Variants in SVIL observed in about 807,000 individuals in gnomAD.
SVIL encodes archvillin.
A neutral mutation model predicts 240.4 loss-of-function variants in SVIL; 101 were observed. The ratio of observed to expected loss-of-function variants is 0.42; its 90% CI spans 0.36 to 0.50. The LOEUF (loss-of-function observed/expected upper bound fraction) is 0.50, where lower values mean the gene tolerates loss of function less well. SVIL is among the 20% of genes least tolerant of loss of function. The probability of loss-of-function intolerance (pLI) is 0.01; values close to 1 mark genes in which losing one functional copy is unlikely to be tolerated. For synonymous variants in SVIL, 999 were observed against 1,100.0 expected (o/e 0.91, Z 1.82); for missense variants, 2,512 against 2,818.7 (o/e 0.89, Z 2.46).
At chr10:29,580,261 G>T (rs73596059) in intron 1 of SVIL, among the ~76,000 whole-genome samples, 9,419 of 152,120 alleles carry the variant, frequency 0.062, 850 homozygotes, top group African/African-American at 0.2. Flanking sequence ...AGTGGGAGGA[G>T]CGTTTGAACC....
At chr10:29,543,691 C>G (rs1012725239) in intron 6 of SVIL, among the ~76,000 whole-genome samples, 1 of 152,126 alleles carries the variant, frequency 6.6e-6, no homozygotes, top group African/African-American at 2.4e-5. Context: ...TCCATCTCTC[C>G]CCTCTCCCCT....
intron 3 of SVIL, among the ~76,000 whole-genome samples, chr10:29,640,378 G>A (rs983969864): frequency 6.6e-6 from 1 of 152,218 alleles, no homozygotes; most frequent in Admixed American, 6.5e-5. Flanking sequence ...CTCCTCAGTT[G>A]TTTCACTGAG....
At chr10:29,709,315 T>G (rs1963119099) in intron 1 of SVIL, among the ~76,000 whole-genome samples, 1 of 152,188 alleles carries the variant, frequency 6.6e-6, no homozygotes, top group Admixed American at 6.5e-5. Flanking sequence ...CGTGTCATGT[T>G]GGCACTCAAA....
At chr10:29,604,807 G>A (rs912936166) in intron 1 of SVIL, among the ~76,000 whole-genome samples, 6 of 151,970 alleles carry the variant, frequency 3.9e-5, no homozygotes, top group Admixed American at 1.3e-4. Flanking sequence ...GAGATTAAAC[G>A]ATCCTCCCAC....
Position 29,531,762 on chromosome 10 carries a change from C to G in SVIL, c.2009+240G>C, listed in dbSNP as rs376982074. Among the ~76,000 whole-genome samples, 6 of 152,296 alleles carry G rather than the reference C, an allele frequency of 3.9e-5. No homozygotes were observed. In the East Asian group the frequency reaches 7.7e-4, roughly 20 times the overall value. ...CATTAAATAAAGAAAAATAATGTTT[C>G]TTACTTCTTATCATCTGAATGCAAT... On this transcript the variant is annotated intron_variant, in intron 9 of 37. Transcript: ENST00000355867.
chr10:29,677,580 T>C (rs1415318391), intron 2 of SVIL, among the ~76,000 whole-genome samples: 1 of 152,142 alleles, frequency 6.6e-6, no homozygotes, highest in Non-Finnish European at 1.5e-5. Context: ...TGCAGCACTA[T>C]GCTCAGCTAA....
At position 29,465,698 on chromosome 10, in the gene SVIL, A is replaced by G. The variant is rs773978944; in HGVS notation, c.6030T>C (p.Ser2010=). The change falls in exon 34 of 38, where the codon TCT becomes TCC. Residue 2010 remains serine, a synonymous_variant. Coordinates refer to ENST00000355867, the MANE Select transcript of SVIL (RefSeq NM_021738.3). ...APRLFILSSS[S]GDFAATEFVY... ...CAAACTCTGTGGCTGCAAAATCCCCAGAGGAGCTGCTGAGGATGAACAGGC... is the reference window on the plus strand; with the variant it reads ...CAAACTCTGTGGCTGCAAAATCCCCGGAGGAGCTGCTGAGGATGAACAGGC... 4 of 1,613,314 alleles carry G rather than the reference A, an allele frequency of 2.5e-6. No homozygotes were observed. Among genetic ancestry groups the G allele is most frequent in the Non-Finnish European group, 3.4e-6 (4 of 1,179,968 alleles).
At chr10:29,663,385 C>CT (rs931353431) in intron 2 of SVIL, among the ~76,000 whole-genome samples, 30 of 152,058 alleles carry the variant, frequency 2.0e-4, no homozygotes, top group African/African-American at 2.9e-4. Context: ...ACTTATATTT[C>CT]TTTTTTTTGT....
At chr10:29,641,965 G>C (rs550396736) in intron 3 of SVIL, among the ~76,000 whole-genome samples, 2 of 152,294 alleles carry the variant, frequency 1.3e-5, no homozygotes, top group South Asian at 4.1e-4. Flanking sequence ...ACTTCTCTGA[G>C]CTGGAACCTC....
chr10:29,733,175 G>A (rs1964715240), intron 1 of SVIL, among the ~76,000 whole-genome samples: 1 of 152,204 alleles, frequency 6.6e-6, no homozygotes, highest in Non-Finnish European at 1.5e-5. Flanking sequence ...GGGAGGAAGG[G>A]AAGGATTCTG....
chr10:29,457,924 CAA>C lies in SVIL; in HGVS notation c.*321_*322del, dbSNP rs34048226. The C allele has an allele frequency of 0.48, 66,265 of 138,274 alleles. 14,641 individuals are homozygous for C. The highest frequency in any genetic ancestry group is 0.62 in the African/African-American group (23,462 of 37,652). 8.6% of individuals were successfully genotyped at this position (138,274 alleles called of 1,614,324 possible). On this transcript the variant is annotated 3_prime_UTR_variant, in exon 38 of 38. Coordinates refer to ENST00000355867, the MANE Select transcript of SVIL (RefSeq NM_021738.3). ...TAACACTTTATAAAGAGAACTGCTT[CAA>C]AAAAAAAAAAAAAAGGCATTGCCTA...
chr10:29,726,288 G>C (rs891039528), intron 1 of SVIL, among the ~76,000 whole-genome samples: 1 of 152,152 alleles, frequency 6.6e-6, no homozygotes, highest in Admixed American at 6.5e-5. Flanking sequence ...TGCAGAGATA[G>C]GGATGGTTAG....
Position 29,462,373 on chromosome 10 carries a change from C to G in SVIL, c.6306G>C (p.Lys2102Asn). ...KGKNLKKPAP[K>N]SYLIHAGLEP... The stretch of plus-strand genomic sequence containing the variant: ...CCAGACCAGCGTGGATAAGGTAAGA[C>G]TTGGGGGCTGGTTTCTTGAGATTTT... The change falls in exon 36 of 38, where the codon AAG becomes AAC. Residue 2102 changes from lysine to asparagine, a missense_variant. By Grantham distance (94) the Lys-to-Asn change is moderately conservative. Coordinates refer to ENST00000355867, the MANE Select transcript of SVIL (RefSeq NM_021738.3). 6.2e-7 allele frequency: 1 copy of G among 1,614,130 alleles called. No homozygotes were observed. Among genetic ancestry groups the G allele is most frequent in the South Asian group, 1.1e-5 (1 of 91,078 alleles).
chr10:29,602,487 C>A, intron 1 of SVIL: 1 of 240,614 alleles, frequency 4.2e-6, no homozygotes, highest in South Asian at 4.5e-5. Flanking sequence ...GTGTTCACTG[C>A]CAGAATGATT....
chr10:29,530,286 C>T (rs569915699), intron 11 of SVIL, among the ~76,000 whole-genome samples: 2 of 138,752 alleles, frequency 1.4e-5, no homozygotes, highest in South Asian at 2.3e-4. Flanking sequence ...ATGAGCACCT[C>T]GTATTGTTGT....
intron 2 of SVIL, among the ~76,000 whole-genome samples, chr10:29,674,738 T>G (rs1451369404): frequency 6.6e-6 from 1 of 152,198 alleles, no homozygotes; most frequent in Non-Finnish European, 1.5e-5. Context: ...GGGCTACAAG[T>G]CAAGGTGTTG....
chr10:29,652,451 T>C (rs1278164633), intron 3 of SVIL, among the ~76,000 whole-genome samples: 1 of 152,226 alleles, frequency 6.6e-6, no homozygotes. Flanking sequence ...TCTTCTTCAG[T>C]TGACAAACAT....
At chr10:29,474,067 C>CG in intron 29 of SVIL, 78 bp from the exon 30 acceptor site, 1 of 1,554,728 alleles carries the variant, frequency 6.4e-7, no homozygotes, top group South Asian at 1.2e-5. Flanking sequence ...CTCACTTTCC[C>CG]CGGGCCTGCA....
At chr10:29,471,067 C>T (rs1198832179) in intron 31 of SVIL, 71 bp downstream of exon 31, 1 of 1,379,078 alleles carries the variant, frequency 7.3e-7, no homozygotes, top group Non-Finnish European at 1.0e-6. Context: ...CACTTTCAGC[C>T]CCCAGCTTAT....
Sources: gnomAD v4.1 joint callset for allele counts (sites outside exome capture counted in the v4.1 genomes callset) on GRCh38, gnomAD v4.1.1 for gene constraint, MANE v1.5 for transcripts, NCBI Gene and HGNC (gene_info 2026-07-23, HGNC 2026-07-21) for gene names.